Variants in ADARB2 observed in about 807,000 individuals in gnomAD.
ADARB2 encodes adenosine deaminase RNA specific B2 (inactive), also known as inactive double-stranded RNA-specific editase B2.
A neutral mutation model predicts 62.2 loss-of-function variants in ADARB2; 25 were observed. The observed-to-expected ratio is 0.40, with a 90% confidence interval of 0.29 to 0.56. The LOEUF (loss-of-function observed/expected upper bound fraction) is 0.56, where lower values mean the gene tolerates loss of function less well. Among genes scored for constraint, ADARB2 ranks in the 20% least tolerant of loss-of-function variants. ADARB2 has a pLI of 0.43. For synonymous variants in ADARB2, 572 were observed against 500.8 expected, an observed-to-expected ratio of 1.14 and a Z score of -1.90; for missense variants, 1,071 against 1,077.4, an observed-to-expected ratio of 0.99 and a Z score of 0.08.
chr10:1,288,330 A>G (rs1468490524), intron 3 of ADARB2, among the ~76,000 whole-genome samples: 2 of 152,246 alleles, frequency 1.3e-5, no homozygotes, highest in Non-Finnish European at 2.9e-5. Flanking sequence ...AGGAAACACA[A>G]AATACCATGT....
chr10:1,480,480 C>T (rs904197263), intron 1 of ADARB2, among the ~76,000 whole-genome samples: 1 of 152,190 alleles, frequency 6.6e-6, no homozygotes, highest in East Asian at 1.9e-4. Context: ...GGGCGGGTCA[C>T]TAGGTCAGGA....
intron 1 of ADARB2, among the ~76,000 whole-genome samples, chr10:1,484,308 C>T (rs79137286): frequency 0.013 from 1,912 of 152,298 alleles, 44 homozygotes; most frequent in African/African-American, 0.042. Context: ...TTTAAATGCT[C>T]GCATGTTCAT....
chr10:1,596,548 C>T (rs530259886), intron 1 of ADARB2, among the ~76,000 whole-genome samples: 4 of 152,326 alleles, frequency 2.6e-5, no homozygotes, highest in South Asian at 4.1e-4. Context: ...GGAGAGGCCC[C>T]ATCAGGACAG....
chr10:1,211,181 T>C (rs1001465537), intron 7 of ADARB2, among the ~76,000 whole-genome samples: 1 of 150,906 alleles, frequency 6.6e-6, no homozygotes, highest in Non-Finnish European at 1.5e-5. Context: ...ATCTATCATC[T>C]AATTTTCATC....
intron 1 of ADARB2, among the ~76,000 whole-genome samples, chr10:1,626,871 A>G (rs1263870624): frequency 6.6e-6 from 1 of 152,148 alleles, no homozygotes. Context: ...AACCTAATAT[A>G]AACATGTATC....
intron 1 of ADARB2, among the ~76,000 whole-genome samples, chr10:1,530,409 C>T (rs993667949): frequency 3.3e-5 from 5 of 152,242 alleles, no homozygotes; most frequent in South Asian, 2.1e-4. Flanking sequence ...ACCCGGGCCA[C>T]AGTCACTTCG....
intron 4 of ADARB2, among the ~76,000 whole-genome samples, chr10:1,268,161 A>G (rs73592288): frequency 6.6e-6 from 1 of 152,358 alleles, no homozygotes; most frequent in African/African-American, 2.4e-5. Context: ...GCATGAGTCA[A>G]TAGATGTTAT....
chr10:1,588,952 C>T (rs1287088613), intron 1 of ADARB2, among the ~76,000 whole-genome samples: 1 of 152,172 alleles, frequency 6.6e-6, no homozygotes, highest in Non-Finnish European at 1.5e-5. Context: ...AACCACAGCA[C>T]AGCACCCTCA....
At chr10:1,306,808 C>A (rs916513797) in intron 3 of ADARB2, among the ~76,000 whole-genome samples, 3 of 151,302 alleles carry the variant, frequency 2.0e-5, no homozygotes, top group African/African-American at 7.3e-5. Flanking sequence ...CTTTGACAAA[C>A]CTGACAAAAA....
intron 3 of ADARB2, among the ~76,000 whole-genome samples, chr10:1,351,488 G>A (rs1832139994): frequency 6.6e-6 from 1 of 151,686 alleles, no homozygotes; most frequent in African/African-American, 2.4e-5. Flanking sequence ...ATCCCCACCT[G>A]CCCAGTTCCC....
chr10:1,598,513 C>T (rs149961840), intron 1 of ADARB2, among the ~76,000 whole-genome samples: 410 of 152,340 alleles, frequency 2.7e-3, no homozygotes, highest in African/African-American at 9.2e-3. Flanking sequence ...GACAAATATC[C>T]GTGGAGAAAC....
chr10:1,339,626 C>T (rs1832004639), intron 3 of ADARB2, among the ~76,000 whole-genome samples: 1 of 152,160 alleles, frequency 6.6e-6, no homozygotes, highest in Non-Finnish European at 1.5e-5. Context: ...GAAAATTCTC[C>T]AAGTCAATAC....
intron 1 of ADARB2, among the ~76,000 whole-genome samples, chr10:1,630,671 T>G (rs1833830732): frequency 6.6e-6 from 1 of 152,154 alleles, no homozygotes; most frequent in Non-Finnish European, 1.5e-5. Flanking sequence ...AAGGTCTATG[T>G]GCATTTTAGA....
intron 1 of ADARB2, among the ~76,000 whole-genome samples, chr10:1,624,351 G>T (rs543990141): frequency 6.6e-6 from 1 of 152,192 alleles, no homozygotes; most frequent in Admixed American, 6.5e-5. Flanking sequence ...GGTTCTCCTC[G>T]TATTATCTGA....
chr10:1,307,174 A>G lies in ADARB2; in HGVS notation c.1078-36105T>C, dbSNP rs1831637464. On this transcript the variant is annotated intron_variant, in intron 3 of 9. Transcript: ENST00000381312. ...TACAAAATGGGAGAAAATTTTCGCA[A>G]CCTACGCATCTGACAAAGGGCTAAT... 1.9e-5 allele frequency among the ~76,000 whole-genome samples: 2 copies of G among 103,260 alleles called. 1 individual carries two copies. The highest frequency in any genetic ancestry group is 1.0e-3 in the South Asian group (2 of 1,980). The allele number at this position is 103,260 out of a possible 152,430, so 67.7% of individuals were successfully genotyped here. A position where few individuals can be genotyped will look rare whatever the true frequency, so the allele number is the denominator to read the frequency against.
At chr10:1,503,155 A>ATTTAATT (rs1831786641) in intron 1 of ADARB2, among the ~76,000 whole-genome samples, 1 of 152,172 alleles carries the variant, frequency 6.6e-6, no homozygotes, top group Non-Finnish European at 1.5e-5. Context: ...ACACATACAT[A>ATTTAATT]TTTAATTTTT....
chr10:1,373,556 T>C (rs1423291217), intron 2 of ADARB2, among the ~76,000 whole-genome samples: 1 of 152,226 alleles, frequency 6.6e-6, no homozygotes, highest in Non-Finnish European at 1.5e-5. Flanking sequence ...CGTGTGTGTG[T>C]GCATTATGTA....
At position 1,457,173 on chromosome 10, in the gene ADARB2, A is replaced by G. The variant is rs1831105383; in HGVS notation, c.101-78013T>C. ...AAAATAAAACCACTCAAAACTACAA[A>G]GGAAATCTTCAGAGAATAATTTTCT... On this transcript the variant is annotated intron_variant, in intron 1 of 9. Transcript: ENST00000381312. Among the ~76,000 whole-genome samples the G allele has an allele frequency of 2.0e-5, 3 of 152,276 alleles. No homozygotes were observed. In the South Asian group the frequency reaches 6.2e-4, roughly 31 times the overall value.
At chr10:1,461,622 C>T (rs1219983772) in intron 1 of ADARB2, among the ~76,000 whole-genome samples, 1 of 152,068 alleles carries the variant, frequency 6.6e-6, no homozygotes, top group East Asian at 1.9e-4. Flanking sequence ...GTAGACCTTA[C>T]ATGATTGTCC....
Sources: gnomAD v4.1 joint callset for allele counts (sites outside exome capture counted in the v4.1 genomes callset) on GRCh38, gnomAD v4.1.1 for gene constraint, MANE v1.5 for transcripts, NCBI Gene and HGNC (gene_info 2026-07-23, HGNC 2026-07-21) for gene names.